NAV1: variants seen among roughly 807,000 people sequenced by gnomAD.
The protein encoded by NAV1 is pore membrane and/or filament interacting like protein 3.
A neutral mutation model predicts 175.2 loss-of-function variants in NAV1; 18 were observed. That is an observed-to-expected ratio of 0.10 (90% CI 0.07 to 0.15). The LOEUF (loss-of-function observed/expected upper bound fraction) is 0.15. Ranked by LOEUF, NAV1 falls within the 10% of genes least tolerant of loss-of-function variation. The probability of loss-of-function intolerance (pLI) is 1.00; values close to 1 mark genes in which losing one functional copy is unlikely to be tolerated. For missense variants in NAV1, 1,731 were observed against 2,436.6 expected (o/e 0.71, Z 6.10); for synonymous variants, 897 against 978.7 (o/e 0.92, Z 1.56).
At position 201,718,306 on chromosome 1, in the gene NAV1, A is replaced by C; in HGVS notation, c.861-84A>C. ...GTGACAGGGCCTGTGGGTGGAGGGG[A>C]GGCATTGCTGGGGTGCATGTGAGGG... On this transcript the variant is annotated intron_variant, in intron 2 of 29. Transcript: ENST00000367296. This position sits in a 1 kb window ranked among gnomAD's most constrained non-coding sequence, Gnocchi z 4.8. 1 of 1,362,594 alleles carries C rather than the reference A, an allele frequency of 7.3e-7. No individual in the cohort carries two copies. Among genetic ancestry groups the C allele is most frequent in the Non-Finnish European group, 9.6e-7 (1 of 1,045,922 alleles). The allele number at this position is 1,362,594 out of a possible 1,614,324, so 84.4% of individuals were successfully genotyped here.
intron 1 of NAV1, among the ~76,000 whole-genome samples, chr1:201,587,773 A>G (rs1257841182): frequency 6.6e-6 from 1 of 152,242 alleles, no homozygotes; most frequent in African/African-American, 2.4e-5. Context: ...ATAGATATTT[A>G]TCCAAAGACA....
Position 201,708,440 on chromosome 1 carries a change from G to GCGCACA in NAV1, c.758-4376_758-4375insGCACAC, listed in dbSNP as rs1553256953. Among the ~76,000 whole-genome samples, 681 of 148,272 alleles carry GCGCACA rather than the reference G, an allele frequency of 4.6e-3. 3 individuals are homozygous for GCGCACA. The highest frequency in any genetic ancestry group is 0.016 in the African/African-American group (650 of 40,116). On this transcript the variant is annotated intron_variant, in intron 1 of 29. Transcript: ENST00000367296. ...TTCCCCCCTCAAACCCTACTTGCGC[G>GCGCACA]CACACACACACACACACACACACAT... is the stretch of plus-strand genomic sequence containing the variant.
intron 1 of NAV1, among the ~76,000 whole-genome samples, chr1:201,628,834 C>T (rs563228857): frequency 2.0e-5 from 3 of 152,280 alleles, no homozygotes; most frequent in Non-Finnish European, 2.9e-5. Context: ...GCTACCACAA[C>T]GGGCCCAGCA....
intron 3 of NAV1, among the ~76,000 whole-genome samples, chr1:201,731,177 C>T (rs1389743269): frequency 2.7e-5 from 4 of 147,764 alleles, no homozygotes; most frequent in African/African-American, 1.0e-4. Context: ...GGGGCATGTG[C>T]GGTAGAAAAA....
Position 201,787,651 on chromosome 1 carries a change from A to C in NAV1, c.2996-817A>C, listed in dbSNP as rs1417580160. The C allele has an allele frequency of 2.2e-6, 1 of 456,256 alleles. No homozygotes were observed. The highest frequency in any genetic ancestry group is 4.4e-6 in the Non-Finnish European group (1 of 226,934). The allele number at this position is 456,256 out of a possible 1,614,324, so 28.3% of individuals were successfully genotyped here. A position where few individuals can be genotyped will look rare whatever the true frequency, so the allele number is the denominator to read the frequency against. On this transcript the variant is annotated intron_variant, in intron 9 of 29. Coordinates refer to ENST00000367296, the Ensembl canonical transcript of NAV1. The surrounding 1 kb of genome is among the most constrained non-coding windows in gnomAD (Gnocchi z 4.3). Reference sequence around the variant, plus strand: ...AGAGGTGTGCCATCTTCTTCTGCACAGGTCTTTATGGACAGATTAGACATC... The same window carrying C: ...AGAGGTGTGCCATCTTCTTCTGCACCGGTCTTTATGGACAGATTAGACATC...
chr1:201,676,782 C>T (rs1037720372), intron 1 of NAV1, among the ~76,000 whole-genome samples: 1 of 152,156 alleles, frequency 6.6e-6, no homozygotes, highest in African/African-American at 2.4e-5. Context: ...ATGTCAAATA[C>T]TGTGTTTCTG....
At chr1:201,716,962 G>A (rs979129707) in intron 2 of NAV1, among the ~76,000 whole-genome samples, 1 of 152,106 alleles carries the variant, frequency 6.6e-6, no homozygotes, top group Admixed American at 6.5e-5. Context: ...CCCTCCAGAG[G>A]GCCAGAAGCA....
intron 2 of NAV1, among the ~76,000 whole-genome samples, chr1:201,602,666 G>GTTTT (rs141386046): frequency 1.1e-5 from 1 of 92,420 alleles, no homozygotes; most frequent in Non-Finnish European, 2.5e-5. Context: ...TTTTTTTTTT[G>GTTTT]GTTTTTTTTT....
intron 2 of NAV1, among the ~76,000 whole-genome samples, 183 bp downstream of exon 6, chr1:201,713,102 C>G (rs538055250): frequency 6.6e-5 from 10 of 152,298 alleles, no homozygotes; most frequent in Admixed American, 2.0e-4. Flanking sequence ...TTGGCTTTGT[C>G]TTCTGTCTGC....
intron 1 of NAV1, among the ~76,000 whole-genome samples, chr1:201,569,272 G>A (rs904175086): frequency 1.1e-4 from 17 of 152,170 alleles, no homozygotes; most frequent in Admixed American, 9.8e-4. Context: ...AGTCAGCCTG[G>A]CCACCTCCTG....
intron 1 of NAV1, among the ~76,000 whole-genome samples, chr1:201,695,940 A>C (rs1455874927): frequency 6.6e-6 from 1 of 152,022 alleles, no homozygotes; most frequent in Non-Finnish European, 1.5e-5. Flanking sequence ...TCCCTGCCCT[A>C]CTCTCAGGAG....
chr1:201,675,691 C>T (rs756127457), intron 1 of NAV1, among the ~76,000 whole-genome samples: 30 of 152,166 alleles, frequency 2.0e-4, no homozygotes, highest in Non-Finnish European at 3.5e-4. Context: ...TAAAACAAAG[C>T]GATGGAATTT....
chr1:201,744,528 A>G (rs1391485522), intron 3 of NAV1, among the ~76,000 whole-genome samples: 1 of 152,096 alleles, frequency 6.6e-6, no homozygotes, highest in Non-Finnish European at 1.5e-5. Context: ...TATTATTTCA[A>G]ACCATGAGAA....
At chr1:201,651,810 G>A (rs569583193) in intron 1 of NAV1, among the ~76,000 whole-genome samples, 1 of 152,140 alleles carries the variant, frequency 6.6e-6, no homozygotes, top group East Asian at 1.9e-4. Context: ...GGGGAGAGAA[G>A]GGTGGAAACT....
chr1:201,633,855 G>T (rs546802516), intron 2 of NAV1, among the ~76,000 whole-genome samples: 1 of 152,224 alleles, frequency 6.6e-6, no homozygotes, highest in African/African-American at 2.4e-5. Context: ...GTGCTGTTGT[G>T]GGGCAGAGGT....
chr1:201,825,695 TTTGTCACCCAGGC>T (rs1679631294), exon 30 of NAV1: 1 of 152,514 alleles, frequency 6.6e-6, no homozygotes. Flanking sequence ...GGAGTCTCGC[TTTGTCACCCAGGC>T]TGGTGTGCAG....
At chr1:201,621,552 A>G (rs1359874603), upstream of NAV1, among the ~76,000 whole-genome samples, 2 of 151,338 alleles carry the variant, frequency 1.3e-5, no homozygotes, top group African/African-American at 2.4e-5. Context: ...GGCTGGTCTC[A>G]ATCTCCTGAC....
At chr1:201,771,806 A>G (rs1232723017) in intron 3 of NAV1, among the ~76,000 whole-genome samples, 3 of 152,212 alleles carry the variant, frequency 2.0e-5, no homozygotes, top group Non-Finnish European at 2.9e-5. Flanking sequence ...CTTTTTATAA[A>G]TATGTTTAAG....
intron 1 of NAV1, among the ~76,000 whole-genome samples, chr1:201,587,802 T>C (rs983292683): frequency 2.6e-5 from 4 of 152,204 alleles, no homozygotes; most frequent in Non-Finnish European, 4.4e-5. Flanking sequence ...ATGGAAAATA[T>C]GCACATGAAA....
Sources: allele counts gnomAD v4.1 joint callset (sites outside exome capture counted in the v4.1 genomes callset), GRCh38; gene constraint gnomAD v4.1.1; non-coding constraint Gnocchi (gnomAD v3.1); transcripts MANE v1.5; gene names NCBI Gene and HGNC (gene_info 2026-07-23, HGNC 2026-07-21).